Variants in ENOX2 observed in about 807,000 individuals in gnomAD.
ENOX2 encodes ecto-NOX disulfide-thiol exchanger 2.
A neutral mutation model predicts 45.0 loss-of-function variants in ENOX2; 36 were observed. The ratio of observed to expected loss-of-function variants is 0.80; its 90% CI spans 0.61 to 1.06. The LOEUF is 1.06. Among genes scored for constraint, ENOX2 ranks in the 50% least tolerant of loss-of-function variants. The probability of loss-of-function intolerance (pLI) is 0.00; values close to 1 mark genes in which losing one functional copy is unlikely to be tolerated. For synonymous variants in ENOX2, 174 were observed against 152.3 expected (o/e 1.14, Z -1.05); for missense variants, 423 against 462.5 (o/e 0.91, Z 0.78).
At position 130,635,065 on chromosome X, in the gene ENOX2, G is replaced by C; in HGVS notation, c.1338C>G (p.Tyr446Ter). 8.5e-7 allele frequency: 1 copy of C among 1,176,547 alleles called. No individual in the cohort carries two copies. The highest frequency in any genetic ancestry group is 1.8e-5 in the South Asian group (1 of 54,981). ...TTTCAAGTTCAGCTTCTTTCTTTTT[G>C]TATTCCTCTTGGACTTTGAGTAGAT... Reference protein sequence around the residue: ...QQHLLKVQEEYKKKEAELEKL... With the variant: ...QQHLLKVQEE The change falls in exon 12 of 15, where the codon TAC becomes TAG. Residue 446 changes from tyrosine (Y) to a stop codon, truncating the protein, a stop_gained. Transcript: ENST00000394363. LOFTEE classifies it high-confidence loss of function.
chrX:130,900,497 C>G (rs1389169664), intron 2 of ENOX2, among the ~76,000 whole-genome samples: 1 of 112,092 alleles, frequency 8.9e-6, no homozygotes. Flanking sequence ...TCAGCCCCAA[C>G]CTCTTTCCAG....
At chrX:130,865,456 T>G (rs2078480159) in intron 2 of ENOX2, among the ~76,000 whole-genome samples, 1 of 112,034 alleles carries the variant, frequency 8.9e-6, no homozygotes, top group South Asian at 3.7e-4. Context: ...GATAAGCAAA[T>G]AGAGAGAATC....
chrX:130,652,316 C>G (rs758591286), intron 10 of ENOX2, among the ~76,000 whole-genome samples: 22 of 112,229 alleles, frequency 2.0e-4, no homozygotes, highest in South Asian at 7.4e-4. Context: ...GCAAACTCCT[C>G]TTTCTTTCCT....
At chrX:130,861,788 T>C (rs2078413695) in intron 2 of ENOX2, among the ~76,000 whole-genome samples, 1 of 111,573 alleles carries the variant, frequency 9.0e-6, no homozygotes, top group Non-Finnish European at 1.9e-5. Context: ...TTAAGTGTTC[T>C]TGTCATATAC....
chrX:130,660,660 T>C (rs780462121), intron 9 of ENOX2, among the ~76,000 whole-genome samples: 1 of 112,591 alleles, frequency 8.9e-6, no homozygotes, highest in East Asian at 2.8e-4. Context: ...AGAATGGTGA[T>C]GGCATGTGGA....
intron 6 of ENOX2, among the ~76,000 whole-genome samples, chrX:130,678,614 T>C (rs147225610): frequency 6.3e-5 from 7 of 110,949 alleles, no homozygotes; most frequent in Admixed American, 1.9e-4. Context: ...CTTCACATTA[T>C]TCAAGTCTCA....
chrX:130,729,728 G>A (rs2038692703), intron 3 of ENOX2, among the ~76,000 whole-genome samples: 1 of 112,441 alleles, frequency 8.9e-6, no homozygotes, highest in Non-Finnish European at 1.9e-5. Flanking sequence ...AATACTAAAA[G>A]CGTCACAGCT....
At chrX:130,672,263 G>A (rs1042995442) in intron 6 of ENOX2, among the ~76,000 whole-genome samples, 3 of 112,039 alleles carry the variant, frequency 2.7e-5, no homozygotes, top group African/African-American at 6.5e-5. Context: ...CAGCACCTGA[G>A]CCTTCTGCCT....
At chrX:130,824,242 C>T (rs1231160778) in intron 2 of ENOX2, among the ~76,000 whole-genome samples, 1 of 111,580 alleles carries the variant, frequency 9.0e-6, no homozygotes, top group East Asian at 2.8e-4. Context: ...ACCCTCTTAA[C>T]AAAATTTTAA....
At chrX:130,675,227 C>G (rs1204029738) in intron 6 of ENOX2, among the ~76,000 whole-genome samples, 1 of 111,699 alleles carries the variant, frequency 9.0e-6, no homozygotes, top group Non-Finnish European at 1.9e-5. Context: ...AGTTTACAGT[C>G]CCACCAACAG....
intron 3 of ENOX2, among the ~76,000 whole-genome samples, chrX:130,718,535 A>G (rs2038388018): frequency 8.9e-6 from 1 of 112,325 alleles, no homozygotes; most frequent in East Asian, 2.8e-4. Flanking sequence ...ATTAATTGGA[A>G]AAGTATTTTG....
intron 3 of ENOX2, among the ~76,000 whole-genome samples, chrX:130,714,237 C>T (rs1246170751): frequency 8.9e-6 from 1 of 112,067 alleles, no homozygotes; most frequent in African/African-American, 3.2e-5. Context: ...TAGAGTATGA[C>T]AAGGATAAAT....
intron 4 of ENOX2, among the ~76,000 whole-genome samples, chrX:130,698,624 A>T (rs1004505096): frequency 6.2e-5 from 7 of 112,097 alleles, no homozygotes; most frequent in Non-Finnish European, 1.3e-4. Flanking sequence ...CACTAAAAGC[A>T]TACTCTATTT....
intron 6 of ENOX2, among the ~76,000 whole-genome samples, chrX:130,677,301 A>G (rs1423928965): frequency 8.9e-6 from 1 of 112,175 alleles, no homozygotes; most frequent in Non-Finnish European, 1.9e-5. Context: ...GCCTGGCACT[A>G]AATACATTTT....
intron 2 of ENOX2, among the ~76,000 whole-genome samples, chrX:130,877,104 T>A (rs1404219382): frequency 8.9e-6 from 1 of 112,109 alleles, no homozygotes; most frequent in Non-Finnish European, 1.9e-5. Context: ...CTCCCTTTTC[T>A]CTTTCTTAAT....
intron 3 of ENOX2, among the ~76,000 whole-genome samples, chrX:130,772,794 C>A (rs1216358120): frequency 8.9e-6 from 1 of 112,206 alleles, no homozygotes; most frequent in African/African-American, 3.2e-5. Context: ...CAGAAGAAAG[C>A]AGATGGCTTC....
intron 2 of ENOX2, among the ~76,000 whole-genome samples, chrX:130,862,819 G>T (rs1053106142): frequency 4.5e-5 from 5 of 111,754 alleles, no homozygotes; most frequent in Admixed American, 9.5e-5. Flanking sequence ...AAGAATAAGA[G>T]AATTTGAGAA....
intron 3 of ENOX2, among the ~76,000 whole-genome samples, chrX:130,743,067 T>C (rs2039022268): frequency 8.9e-6 from 1 of 112,049 alleles, no homozygotes; most frequent in Admixed American, 9.5e-5. Context: ...TGCTACTTCC[T>C]GGCATTGTTA....
chrX:130,686,354 T>G (rs1283750107), intron 5 of ENOX2, among the ~76,000 whole-genome samples: 1 of 110,990 alleles, frequency 9.0e-6, no homozygotes, highest in Non-Finnish European at 1.9e-5. Flanking sequence ...TCATCCCCAC[T>G]CTCTTGTTCC....
Sources: allele counts gnomAD v4.1 joint callset (sites outside exome capture counted in the v4.1 genomes callset), GRCh38; gene constraint gnomAD v4.1.1; transcripts MANE v1.5; gene names NCBI Gene and HGNC (gene_info 2026-07-23, HGNC 2026-07-21).